PPP1R12B: variants seen among roughly 807,000 people sequenced by gnomAD.
PPP1R12B encodes protein phosphatase 1 regulatory subunit 12B.
A neutral mutation model predicts 126.1 loss-of-function variants in PPP1R12B; 76 were observed. The observed-to-expected ratio is 0.60, with a 90% confidence interval of 0.50 to 0.73. PPP1R12B has a LOEUF of 0.73. Ranked by LOEUF, PPP1R12B falls within the 30% of genes least tolerant of loss-of-function variation. The pLI is 0.00. For synonymous variants in PPP1R12B, 356 were observed against 434.7 expected (o/e 0.82, Z 2.25); for missense variants, 1,052 against 1,205.1 (o/e 0.87, Z 1.88).
chr1:202,451,378 G>A (rs989415283), intron 13 of PPP1R12B, among the ~76,000 whole-genome samples: 1 of 147,592 alleles, frequency 6.8e-6, no homozygotes, highest in South Asian at 2.3e-4. Context: ...GACTCTTAAC[G>A]AGCATGCTGC....
At chr1:202,515,406 G>C (rs1377567335) in intron 18 of PPP1R12B, among the ~76,000 whole-genome samples, 2 of 152,096 alleles carry the variant, frequency 1.3e-5, no homozygotes, top group Non-Finnish European at 2.9e-5. Flanking sequence ...AAGCATAAAG[G>C]CTTATGTAGC....
chr1:202,568,573 A>G (rs1688279923), intron 22 of PPP1R12B, among the ~76,000 whole-genome samples: 1 of 152,202 alleles, frequency 6.6e-6, no homozygotes, highest in Admixed American at 6.5e-5. Context: ...TCTGATCAAA[A>G]ACTCCTCATT....
intron 18 of PPP1R12B, chr1:202,502,120 C>T: frequency 1.0e-6 from 1 of 985,686 alleles, no homozygotes; most frequent in Non-Finnish European, 1.2e-6. Context: ...ATCACTGAAA[C>T]CTTACCCTCA....
At chr1:202,568,968 G>T (rs1253218077) in intron 22 of PPP1R12B, among the ~76,000 whole-genome samples, 179 bp from the exon 23 acceptor site, 1 of 152,124 alleles carries the variant, frequency 6.6e-6, no homozygotes. Context: ...TATCAGTGAG[G>T]TAGCTCCATC....
chr1:202,496,180 CAT>C (rs1362236800), intron 17 of PPP1R12B, among the ~76,000 whole-genome samples: 1 of 152,164 alleles, frequency 6.6e-6, no homozygotes, highest in Non-Finnish European at 1.5e-5. Context: ...GAACAAATAA[CAT>C]AAAATAGATG....
intron 2 of PPP1R12B, among the ~76,000 whole-genome samples, chr1:202,422,039 T>C (rs1370939098): frequency 2.0e-5 from 3 of 152,232 alleles, no homozygotes; most frequent in African/African-American, 7.2e-5. Flanking sequence ...AGGATCTATG[T>C]AAGGTATTGA....
At chr1:202,446,232 CTCTCTATATATATA>C (rs1353901145) in intron 12 of PPP1R12B, among the ~76,000 whole-genome samples, 2 of 73,434 alleles carry the variant, frequency 2.7e-5, no homozygotes, top group African/African-American at 8.7e-5. Context: ...CTCTCTCTCT[CTCTCTATATATATA>C]TATATATATA....
intron 1 of PPP1R12B, among the ~76,000 whole-genome samples, chr1:202,371,709 G>T (rs1447872031): frequency 1.3e-5 from 2 of 152,072 alleles, no homozygotes; most frequent in Non-Finnish European, 2.9e-5. Context: ...CAAAAAAGTT[G>T]CAAAGATAGT....
At chr1:202,427,594 C>G (rs1186732243) in intron 5 of PPP1R12B, among the ~76,000 whole-genome samples, 1 of 152,148 alleles carries the variant, frequency 6.6e-6, no homozygotes, top group African/African-American at 2.4e-5. Flanking sequence ...GGTCTCACTT[C>G]AAACAACTTA....
chr1:202,356,565 C>T (rs1406833920), intron 1 of PPP1R12B, among the ~76,000 whole-genome samples: 2 of 152,132 alleles, frequency 1.3e-5, no homozygotes, highest in South Asian at 2.1e-4. Context: ...GGAGATTAGC[C>T]TGGATTATCC....
At chr1:202,487,919 C>G (rs1678368987) in intron 13 of PPP1R12B, among the ~76,000 whole-genome samples, 2 of 152,086 alleles carry the variant, frequency 1.3e-5, no homozygotes, top group South Asian at 4.1e-4. Flanking sequence ...TTCAAGACTT[C>G]CAGTGGATGA....
At position 202,348,748 on chromosome 1, in the gene PPP1R12B, T is replaced by C. The variant is rs921617740; in HGVS notation, c.-104T>C. The C allele has an allele frequency of 1.4e-6, 2 of 1,408,272 alleles. No homozygotes were observed. Among genetic ancestry groups the C allele is most frequent in the Non-Finnish European group, 1.9e-6 (2 of 1,061,262 alleles). 87.2% of individuals were successfully genotyped at this position (1,408,272 alleles called of 1,614,324 possible). On this transcript the variant is annotated 5_prime_UTR_variant, in exon 1 of 24. Coordinates refer to ENST00000608999, the MANE Select transcript of PPP1R12B (RefSeq NM_002481.4). ...GATGGCGGCGCGAGGGTCTCCGCCC[T>C]CTGCTCCGGGCTGAAGCGCTCTGAG...
chr1:202,425,672 A>G lies in PPP1R12B; in HGVS notation c.648A>G (p.Ser216=). 1 of 1,613,962 alleles carries G rather than the reference A, an allele frequency of 6.2e-7. No homozygotes were observed. The highest frequency in any genetic ancestry group is 1.1e-5 in the South Asian group (1 of 91,076). Reference sequence around the variant, plus strand: ...TAGAGGATGTGAGGCAGGCTCGCTCAGGGGCTACAGCCCTTCATGTGGCTG... The same window carrying G: ...TAGAGGATGTGAGGCAGGCTCGCTCGGGGGCTACAGCCCTTCATGTGGCTG... ...GKIEDVRQAR[S]GATALHVAAA... is the part of the protein sequence containing the mutation. The change falls in exon 4 of 24, where the codon TCA becomes TCG. Residue 216 remains serine, a synonymous_variant. Transcript: ENST00000608999.
intron 13 of PPP1R12B, among the ~76,000 whole-genome samples, chr1:202,451,597 G>A (rs367875969): frequency 5.3e-5 from 8 of 151,962 alleles, no homozygotes; most frequent in South Asian, 2.1e-4. Context: ...GCAACCATCC[G>A]ATTTCTCAAT....
Position 202,440,697 on chromosome 1 carries a change from A to G in PPP1R12B, c.1459-9A>G. On this transcript the variant is annotated splice_polypyrimidine_tract_variant and intron_variant, in intron 10 of 23. Coordinates refer to ENST00000608999, the MANE Select transcript of PPP1R12B (RefSeq NM_002481.4). ...CCTTTCTTGTGCTTTACTTGTTTTTATTTTACAGGAGAGAGAAAACAAAAG... is the reference window on the plus strand; with the variant it reads ...CCTTTCTTGTGCTTTACTTGTTTTTGTTTTACAGGAGAGAGAAAACAAAAG... The G allele has an allele frequency of 6.2e-7, 1 of 1,605,640 alleles. No individual in the cohort carries two copies. Among genetic ancestry groups the G allele is most frequent in the Non-Finnish European group, 8.5e-7 (1 of 1,172,990 alleles).
chr1:202,438,731 G>C lies in PPP1R12B; in HGVS notation c.1458+707G>C, dbSNP rs942615875. 1.3e-5 allele frequency: 9 copies of C among 674,280 alleles called. No homozygotes were observed. In the Admixed American group the frequency reaches 1.4e-4, roughly 11 times the overall value. The allele number at this position is 674,280 out of a possible 1,614,324, so 41.8% of individuals were successfully genotyped here. A position where few individuals can be genotyped will look rare whatever the true frequency, so the allele number is the denominator to read the frequency against. ...CCAGGTGGTTACCGTGCATTTTGCA[G>C]ACGTCGTGAGAGAACAGCATGTGGG... On this transcript the variant is annotated intron_variant, in intron 10 of 23. Coordinates refer to ENST00000608999, the MANE Select transcript of PPP1R12B (RefSeq NM_002481.4).
intron 18 of PPP1R12B, among the ~76,000 whole-genome samples, chr1:202,531,173 C>A (rs532681121): frequency 6.6e-6 from 1 of 152,174 alleles, no homozygotes; most frequent in Non-Finnish European, 1.5e-5. Context: ...TTATTTCCTG[C>A]CCCCAAGTAA....
chr1:202,472,637 G>T (rs1183117832), intron 13 of PPP1R12B, among the ~76,000 whole-genome samples: 1 of 152,182 alleles, frequency 6.6e-6, no homozygotes, highest in Non-Finnish European at 1.5e-5. Context: ...AGATGGAAAA[G>T]AATTCAAGAT....
intron 10 of PPP1R12B, chr1:202,439,613 C>A: frequency 1.0e-6 from 1 of 986,112 alleles, no homozygotes; most frequent in Non-Finnish European, 1.6e-6. Flanking sequence ...TGGACCCTGC[C>A]CTGTGCTCCA....
Sources: gnomAD v4.1 joint callset for allele counts (sites outside exome capture counted in the v4.1 genomes callset) on GRCh38, gnomAD v4.1.1 for gene constraint, MANE v1.5 for transcripts, NCBI Gene and HGNC (gene_info 2026-07-23, HGNC 2026-07-21) for gene names.